Variants in VPS13B observed in about 807,000 individuals in gnomAD.
VPS13B encodes the protein intermembrane lipid transfer protein VPS13B.
In VPS13B, 285 loss-of-function variants were observed where a neutral mutation model predicts 426.4. The observed-to-expected ratio is 0.67, with a 90% CI of 0.61 to 0.74. The LOEUF (loss-of-function observed/expected upper bound fraction) is 0.74. VPS13B is among the 30% of genes least tolerant of loss of function. VPS13B has a pLI of 0.00. For missense variants in VPS13B, 4,537 were observed against 4,782.6 expected, an observed-to-expected ratio of 0.95 and a Z score of 1.51; for synonymous variants, 1,676 against 1,676.4, an observed-to-expected ratio of 1.00 and a Z score of 0.01.
intron 17 of VPS13B, among the ~76,000 whole-genome samples, chr8:99,225,844 G>C (rs1815983725): frequency 6.6e-6 from 1 of 152,124 alleles, no homozygotes; most frequent in African/African-American, 2.4e-5. Flanking sequence ...TTTCTCATTT[G>C]TCCTCAAGAT....
chr8:99,119,531 T>G (rs1299036751), intron 7 of VPS13B: 1 of 152,154 alleles, frequency 6.6e-6, no homozygotes, highest in Non-Finnish European at 1.5e-5. Context: ...GTGCTGGGAT[T>G]ATAGGAATGA....
intron 43 of VPS13B, among the ~76,000 whole-genome samples, chr8:99,809,027 G>A (rs1032615624): frequency 1.3e-5 from 2 of 151,458 alleles, no homozygotes; most frequent in Middle Eastern, 3.4e-3. Context: ...GGAAAAAACC[G>A]TCAGCCAATA....
intron 3 of VPS13B, among the ~76,000 whole-genome samples, chr8:99,067,498 TG>T (rs1051632700): frequency 6.6e-6 from 1 of 151,676 alleles, no homozygotes; most frequent in African/African-American, 2.4e-5. Flanking sequence ...TATCATGATG[TG>T]GGGGGCAGGG....
At chr8:99,465,028 G>T (rs908199552) in intron 23 of VPS13B, among the ~76,000 whole-genome samples, 1 of 151,990 alleles carries the variant, frequency 6.6e-6, no homozygotes, top group Admixed American at 6.6e-5. Context: ...TAAAATGAAA[G>T]ACTTAGATTA....
chr8:99,275,078 C>A lies in VPS13B; in HGVS notation c.2651-3C>A. ...TTATTGTTTTATAAATATTTCTTTT[C>A]AGTTGATAGTGGAAAAGAGAAGTTG... On this transcript the variant is annotated splice_region_variant and splice_polypyrimidine_tract_variant and intron_variant, in intron 18 of 61. Coordinates refer to ENST00000357162, the MANE Select transcript of VPS13B (RefSeq NM_152564.5). The A allele has an allele frequency of 6.3e-7, 1 of 1,594,402 alleles. No individual in the cohort carries two copies. Among genetic ancestry groups the A allele is most frequent in the South Asian group, 1.2e-5 (1 of 86,052 alleles).
chr8:99,127,608 T>TA (rs1307332154), intron 8 of VPS13B, among the ~76,000 whole-genome samples: 1 of 152,192 alleles, frequency 6.6e-6, no homozygotes, highest in Non-Finnish European at 1.5e-5. Flanking sequence ...TTGCAACTTA[T>TA]AGACCAGTAG....
chr8:99,620,918 G>A (rs530495697), intron 33 of VPS13B, among the ~76,000 whole-genome samples: 5 of 150,628 alleles, frequency 3.3e-5, no homozygotes, highest in East Asian at 1.9e-4. Context: ...CCTGGGAGGC[G>A]GAGTTTGCAG....
Position 99,511,498 on chromosome 8 carries a change from A to G in VPS13B, c.4619A>G (p.Gln1540Arg), listed in dbSNP as rs1821785124. Residue 1540 changes from glutamine (Q) to arginine (R), a missense_variant, in exon 29 of 62, where the codon CAG (glutamine) becomes CGG (arginine). This residue lies in a region of VPS13B where 4,311 missense variants were observed against 4,474.3 expected (regional missense o/e 0.96). Coordinates refer to ENST00000357162, the MANE Select transcript of VPS13B (RefSeq NM_152564.5). Reference protein sequence around the residue: ...RIFIPKTEEMQPTVEANQAAK... With the variant: ...RIFIPKTEEMRPTVEANQAAK... ...TTTATTCCAAAAACAGAAGAAATGC[A>G]GCCAACTGTTGAAGGTATTGTCTTC... The G allele has an allele frequency of 1.2e-6, 2 of 1,612,746 alleles. No individual in the cohort carries two copies.
At chr8:99,206,095 CTT>C (rs1269308997) in intron 17 of VPS13B, among the ~76,000 whole-genome samples, 1 of 152,070 alleles carries the variant, frequency 6.6e-6, no homozygotes, top group Non-Finnish European at 1.5e-5. Flanking sequence ...CTAACCCTGT[CTT>C]TTTGCGAGAA....
intron 36 of VPS13B, among the ~76,000 whole-genome samples, chr8:99,714,626 T>C (rs1304750729): frequency 1.3e-5 from 2 of 152,184 alleles, no homozygotes; most frequent in African/African-American, 4.8e-5. Flanking sequence ...TTGTAAATAA[T>C]AAAATATTGG....
At position 99,741,753 on chromosome 8, in the gene VPS13B, A is replaced by T. The variant is rs777832402; in HGVS notation, c.7050+20706A>T. On this transcript the variant is annotated intron_variant, in intron 39 of 61. Transcript: ENST00000357162. ...GGTACATAACGAAATGAAGGCAGAA[A>T]TAAAGATGTTCTTTGAAACCAATGA... Among the ~76,000 whole-genome samples the T allele has an allele frequency of 1.6e-3, 244 of 152,362 alleles. 2 individuals carry two copies. Among genetic ancestry groups the T allele is most frequent in the Non-Finnish European group, 1.9e-3 (129 of 68,032 alleles).
chr8:99,268,630 G>A (rs1818423918), intron 17 of VPS13B, among the ~76,000 whole-genome samples: 1 of 152,186 alleles, frequency 6.6e-6, no homozygotes, highest in South Asian at 2.1e-4. Context: ...CCCAGTGTCT[G>A]TACCCCCATT....
intron 19 of VPS13B, among the ~76,000 whole-genome samples, chr8:99,348,426 A>G (rs920546180): frequency 6.6e-6 from 1 of 152,248 alleles, no homozygotes; most frequent in Admixed American, 6.5e-5. Context: ...TATAGATGAA[A>G]TCAAGATTGT....
intron 29 of VPS13B, among the ~76,000 whole-genome samples, chr8:99,518,264 G>T (rs1014888299): frequency 6.6e-6 from 1 of 152,074 alleles, no homozygotes; most frequent in Admixed American, 6.6e-5. Context: ...TTTGTGGTAC[G>T]GTTTATTCTC....
intron 19 of VPS13B, among the ~76,000 whole-genome samples, chr8:99,322,011 A>G (rs1217468081): frequency 2.0e-5 from 3 of 152,204 alleles, no homozygotes. Context: ...AAGCCAAACA[A>G]GCTGCTATTA....
At chr8:99,774,017 A>T (rs1294740327) in intron 40 of VPS13B, among the ~76,000 whole-genome samples, 3 of 152,188 alleles carry the variant, frequency 2.0e-5, no homozygotes, top group African/African-American at 7.2e-5. Context: ...ATGACTATTT[A>T]GTCCTATTGT....
Position 99,467,427 on chromosome 8 carries a change from T to C in VPS13B, c.3459T>C (p.Pro1153=). Residue 1153 remains proline, a synonymous_variant, in exon 24 of 62, where the codon CCT becomes CCC. Transcript: ENST00000357162. ...RPILEEGDAF[P]WTISLHNFSI... ...CCCCTATATCAGGTGATGCTTTTCC[T>C]TGGACGATCAGCTTGCATAATTTCA... is the stretch of plus-strand genomic sequence containing the variant. 6.2e-7 allele frequency: 1 copy of C among 1,613,774 alleles called. No homozygotes were observed. Among genetic ancestry groups the C allele is most frequent in the Non-Finnish European group, 8.5e-7 (1 of 1,179,722 alleles).
At chr8:99,200,842 T>C (rs1252891104) in intron 17 of VPS13B, among the ~76,000 whole-genome samples, 2 of 152,132 alleles carry the variant, frequency 1.3e-5, no homozygotes, top group African/African-American at 4.8e-5. Flanking sequence ...TGGGTTGTCT[T>C]TTTACTTTTC....
intron 21 of VPS13B, among the ~76,000 whole-genome samples, chr8:99,414,330 T>G (rs111481888): frequency 1.8e-3 from 275 of 151,354 alleles, no homozygotes; most frequent in African/African-American, 6.4e-3. Flanking sequence ...ATGAGATGGG[T>G]CTCTTGAATA....
Sources: allele counts gnomAD v4.1 joint callset (sites outside exome capture counted in the v4.1 genomes callset), GRCh38; gene constraint gnomAD v4.1.1; regional missense constraint gnomAD v4.1.1; transcripts MANE v1.5; gene names NCBI Gene and HGNC (gene_info 2026-07-23, HGNC 2026-07-21).